FBN3: variants seen among roughly 807,000 people sequenced by gnomAD.
The protein encoded by FBN3 is fibrillin-3.
Under a neutral mutation model 330.1 loss-of-function variants are expected in FBN3, and 234 were observed. The observed-to-expected ratio is 0.71, with a 90% confidence interval of 0.64 to 0.79. FBN3 has a LOEUF of 0.79. Among genes scored for constraint, FBN3 ranks in the 30% least tolerant of loss-of-function variants. The pLI, the probability that FBN3 is intolerant of heterozygous loss-of-function variation, is 0.00. For missense variants in FBN3, 3,606 were observed against 3,886.9 expected (o/e 0.93, Z 1.92); for synonymous variants, 1,458 against 1,517.3 (o/e 0.96, Z 0.91).
Position 8,087,929 on chromosome 19 carries a change from A to C in FBN3, c.6515T>G (p.Leu2172Arg), listed in dbSNP as rs1439494047. The change falls in exon 53 of 64, where the codon CTG becomes CGG. Residue 2172 changes from leucine to arginine, a missense_variant. Leu to Arg is a moderately radical substitution (Grantham distance 102, BLOSUM62 -2). Coordinates refer to ENST00000600128, the MANE Select transcript of FBN3 (RefSeq NM_032447.5). ...MTCEDIDECSLNPLLCAFRCH... is the reference protein window; with the variant it reads ...MTCEDIDECSRNPLLCAFRCH... The stretch of plus-strand genomic sequence containing the variant: ...GCGGAAGGCACAGAGCAGCGGGTTC[A>C]GGGAGCATTCGTCGATGTCTGGGGA... The C allele has an allele frequency of 6.2e-7, 1 of 1,614,146 alleles. No individual in the cohort carries two copies. The highest frequency in any genetic ancestry group is 8.5e-7 in the Non-Finnish European group (1 of 1,180,006).
intron 34 of FBN3, 25 bp downstream of exon 34, chr19:8,110,820 C>A (rs1402255960): frequency 6.2e-7 from 1 of 1,614,128 alleles, no homozygotes; most frequent in Admixed American, 1.7e-5. Flanking sequence ...TCTCCTCTCC[C>A]CTTCCAGCCC....
In FBN3 at chr19:8,087,107, G is replaced by T; in HGVS notation, c.6724C>A (p.Pro2242Thr). ...CAGCCCTCCCCAGAGCCAGGCAGGGGCCGCATGCCTGGGGGACAGACGCAC... is the reference window on the plus strand; with the variant it reads ...CAGCCCTCCCCAGAGCCAGGCAGGGTCCGCATGCCTGGGGGACAGACGCAC... ...FACVCPPGMR[P>T]LPGSGEGCTD... The change falls in exon 54 of 64, where the codon CCC becomes ACC. Residue 2242 changes from proline to threonine, a missense_variant. By Grantham distance (38) the Pro-to-Thr change is conservative. Coordinates refer to ENST00000600128, the MANE Select transcript of FBN3 (RefSeq NM_032447.5). 1 of 1,610,010 alleles carries T rather than the reference G, an allele frequency of 6.2e-7. No homozygotes were observed.
rs1031951380 is a variant in FBN3, at chr19:8,145,807, G to C, written c.445+36C>G. 3.4e-6 allele frequency: 5 copies of C among 1,468,104 alleles called. No homozygotes were observed. The East Asian group carries it at 1.2e-4, about 36-fold the overall frequency. The allele number at this position is 1,468,104 out of a possible 1,614,324, so 90.9% of individuals were successfully genotyped here. On this transcript the variant is annotated intron_variant, in intron 5 of 63. Transcript: ENST00000600128. ...CTAATACTCTGGGATCACAGTCCCA[G>C]GTGTGCAAAGAGGGGAGTCCCATGG...
At chr19:8,082,335 TTCTC>T (rs938146834) in intron 57 of FBN3, among the ~76,000 whole-genome samples, 2 of 144,918 alleles carry the variant, frequency 1.4e-5, no homozygotes, top group African/African-American at 5.1e-5. Flanking sequence ...TTCTGTTTCT[TTCTC>T]TTTCTTTTTG....
chr19:8,133,063 C>G lies in FBN3; in HGVS notation c.1635G>C (p.Val545=). The G allele has an allele frequency of 6.3e-7, 1 of 1,587,090 alleles. No homozygotes were observed. The highest frequency in any genetic ancestry group is 8.6e-7 in the Non-Finnish European group (1 of 1,168,024). The change falls in exon 14 of 64, where the codon GTG becomes GTC. Residue 545 remains valine, a synonymous_variant. Coordinates refer to ENST00000600128, the MANE Select transcript of FBN3 (RefSeq NM_032447.5). The stretch of plus-strand genomic sequence containing the variant: ...AGAAGCTGCCATCCTCGTTGAGACA[C>G]ACGCCGTTGACGCACATGGTGCTGG... ...CATSTMCVNG[V]CLNEDGSFSC...
At position 8,118,983 on chromosome 19, in the gene FBN3, C is replaced by A; in HGVS notation, c.3251G>T (p.Gly1084Val). ...CCCATCCGTGTTGGTGCAAGTGCCT[C>A]CCCGGCAGAGCAGCGGGTCCCTTGC... Reference protein sequence around the residue: ...ECARDPLLCRGGTCTNTDGSY... With the variant: ...ECARDPLLCRVGTCTNTDGSY... Residue 1084 changes from glycine (G) to valine (V), a missense_variant, in exon 26 of 64, where the codon GGA becomes GTA. By Grantham distance (109) the Gly-to-Val change is moderately radical (BLOSUM62 -3). Transcript: ENST00000600128. The A allele has an allele frequency of 6.2e-7, 1 of 1,610,498 alleles. No homozygotes were observed. The highest frequency in any genetic ancestry group is 8.5e-7 in the Non-Finnish European group (1 of 1,177,036).
At chr19:8,122,461 G>A (rs2082874549) in intron 24 of FBN3, among the ~76,000 whole-genome samples, 1 of 152,116 alleles carries the variant, frequency 6.6e-6, no homozygotes, top group Admixed American at 6.6e-5. Context: ...CCGCCTCCCG[G>A]GTTCAAGTGA....
intron 63 of FBN3, among the ~76,000 whole-genome samples, chr19:8,068,251 C>T (rs891852503): frequency 3.0e-4 from 45 of 149,090 alleles, no homozygotes; most frequent in Admixed American, 4.0e-4. Context: ...ATTAGCTAGG[C>T]GTAGTGTCAG....
At chr19:8,066,290 A>C in intron 63 of FBN3, 30 bp from the exon 64 acceptor site, 5 of 1,463,794 alleles carry the variant, frequency 3.4e-6, no homozygotes, top group Non-Finnish European at 4.6e-6. Flanking sequence ...GTGTGGTCAG[A>C]GCCCAGGAGA....
chr19:8,110,236 C>G (rs2082546256), intron 34 of FBN3, among the ~76,000 whole-genome samples: 1 of 151,990 alleles, frequency 6.6e-6, no homozygotes, highest in South Asian at 2.1e-4. Context: ...TTTATTTTTA[C>G]TTTTTAGAGA....
intron 26 of FBN3, among the ~76,000 whole-genome samples, chr19:8,118,608 T>G (rs2082763838): frequency 7.4e-6 from 1 of 135,072 alleles, no homozygotes; most frequent in South Asian, 2.6e-4. Context: ...CACTCCCCCT[T>G]GTACAGACAC....
intron 38 of FBN3, among the ~76,000 whole-genome samples, chr19:8,104,908 CTCTT>C (rs1202607831): frequency 8.1e-5 from 12 of 148,622 alleles, no homozygotes; most frequent in South Asian, 4.3e-4. Flanking sequence ...CTTCCTTCTT[CTCTT>C]TCTTTCTTTC....
In FBN3 at chr19:8,096,815, C is replaced by A; in HGVS notation, c.5413+66G>T. On this transcript the variant is annotated intron_variant, in intron 43 of 63. Transcript: ENST00000600128. This position sits in a 1 kb window ranked among gnomAD's most constrained non-coding sequence, Gnocchi z 4.6. Reference sequence around the variant, plus strand: ...GGAGAAAGACCTGGACAGAGCCATACCCCATCTAAGTCCCCATGGGTGACA... The same window carrying A: ...GGAGAAAGACCTGGACAGAGCCATAACCCATCTAAGTCCCCATGGGTGACA... 2 of 1,568,818 alleles carry A rather than the reference C, an allele frequency of 1.3e-6. No individual in the cohort carries two copies. Among genetic ancestry groups the A allele is most frequent in the Admixed American group, 3.4e-5 (2 of 58,920 alleles).
Position 8,089,654 on chromosome 19 carries a change from T to G in FBN3, c.6267A>C (p.Ala2089=). The change falls in exon 51 of 64, where the codon GCA becomes GCC. Residue 2089 remains alanine, a synonymous_variant. Coordinates refer to ENST00000600128, the MANE Select transcript of FBN3 (RefSeq NM_032447.5). Reference sequence around the variant, plus strand: ...CGTTAGTGCAGACGCCAGGGTTCTCTGCACACTCATTCACGTCTGCGGATG... The same window carrying G: ...CGTTAGTGCAGACGCCAGGGTTCTCGGCACACTCATTCACGTCTGCGGATG... ...DDSREDVNEC[A]ENPGVCTNGV... is the part of the protein sequence containing the mutation. The G allele has an allele frequency of 6.2e-7, 1 of 1,614,186 alleles. No homozygotes were observed. The highest frequency in any genetic ancestry group is 8.5e-7 in the Non-Finnish European group (1 of 1,180,008).
chr19:8,073,329 C>A, intron 61 of FBN3, 32 bp from the exon 62 acceptor site: 1 of 1,579,092 alleles, frequency 6.3e-7, no homozygotes, highest in Non-Finnish European at 8.7e-7. Flanking sequence ...AGAGGGAGGA[C>A]GCAGAGGTGG....
Position 8,081,083 on chromosome 19 carries a change from T to C in FBN3, c.7373A>G (p.Gln2458Arg). The change falls in exon 59 of 64, where the codon CAG becomes CGG. Residue 2458 changes from glutamine to arginine, a missense_variant. Transcript: ENST00000600128. ...DECTSRQHNC[Q>R]FLCVNTVGAF... is the part of the protein sequence containing the mutation. ...GCCCACAGTGTTGACACAGAGGAACTGACAGTTGTGCTGCCGGGAGGTGCA... is the reference window on the plus strand; with the variant it reads ...GCCCACAGTGTTGACACAGAGGAACCGACAGTTGTGCTGCCGGGAGGTGCA... 1 of 1,613,788 alleles carries C rather than the reference T, an allele frequency of 6.2e-7. No homozygotes were observed. Among genetic ancestry groups the C allele is most frequent in the Non-Finnish European group, 8.5e-7 (1 of 1,179,990 alleles).
In FBN3 at chr19:8,096,137, G is replaced by T; in HGVS notation, c.5540-57C>A. On this transcript the variant is annotated intron_variant, in intron 44 of 63. Transcript: ENST00000600128. The surrounding 1 kb of genome is among the most constrained non-coding windows in gnomAD (Gnocchi z 4.6). ...CTCACCCAGGGCATTGGGGAACTTG[G>T]GGAGTGAGAGGCCAGCTGGACCTAG... 2 of 1,306,620 alleles carry T rather than the reference G, an allele frequency of 1.5e-6. No individual in the cohort carries two copies. The highest frequency in any genetic ancestry group is 1.2e-5 in the South Asian group (1 of 84,480). The allele number at this position is 1,306,620 out of a possible 1,614,324, so 80.9% of individuals were successfully genotyped here.
Position 8,131,611 on chromosome 19 carries a change from C to T in FBN3, c.1933G>A (p.Ala645Thr). 6 of 1,614,038 alleles carry T rather than the reference C, an allele frequency of 3.7e-6. No homozygotes were observed. The highest frequency in any genetic ancestry group is 5.1e-6 in the Non-Finnish European group (6 of 1,179,948). ...TCCCCAAAACCGTGGTCCGGATTGG[C>T]ACAGCAGCACTCGGACTTGGTGACA... is the stretch of plus-strand genomic sequence containing the variant. ...GTVTKSECCC[A>T]NPDHGFGEPC... The change falls in exon 15 of 64, where the codon GCC becomes ACC. Residue 645 changes from alanine (A) to threonine (T), a missense_variant. Physicochemically the swap from Ala to Thr is moderately conservative, Grantham distance 58. Coordinates refer to ENST00000600128, the MANE Select transcript of FBN3 (RefSeq NM_032447.5). The surrounding 1 kb of genome is among the most constrained non-coding windows in gnomAD (Gnocchi z 4.5).
At chr19:8,099,706 C>T (rs1259553057) in intron 41 of FBN3, among the ~76,000 whole-genome samples, 1 of 151,900 alleles carries the variant, frequency 6.6e-6, no homozygotes, top group Non-Finnish European at 1.5e-5. Context: ...TTATGCAATA[C>T]GTTGTTAAAA....
Sources: gnomAD v4.1 joint callset for allele counts (sites outside exome capture counted in the v4.1 genomes callset) on GRCh38, gnomAD v4.1.1 for gene constraint, Gnocchi (gnomAD v3.1) non-coding constraint, MANE v1.5 for transcripts, NCBI Gene and HGNC (gene_info 2026-07-23, HGNC 2026-07-21) for gene names.